VPS53: variants seen among roughly 807,000 people sequenced by gnomAD.
The protein encoded by VPS53 is vacuolar protein sorting-associated protein 53 homolog.
A neutral mutation model predicts 107.0 loss-of-function variants in VPS53; 70 were observed. The observed-to-expected ratio is 0.65, with a 90% CI of 0.54 to 0.80. The LOEUF is 0.80. Among genes scored for constraint, VPS53 ranks in the 30% least tolerant of loss-of-function variants. The pLI is 0.00. For missense variants in VPS53, 917 were observed against 1,049.4 expected, an observed-to-expected ratio of 0.87 and a Z score of 1.74; for synonymous variants, 409 against 393.3, an observed-to-expected ratio of 1.04 and a Z score of -0.47.
intron 10 of VPS53, among the ~76,000 whole-genome samples, chr17:624,576 T>C (rs1217188752): frequency 1.3e-5 from 2 of 152,222 alleles, no homozygotes; most frequent in Non-Finnish European, 2.9e-5. Flanking sequence ...TTGAGAATGA[T>C]GTATCTGTAG....
intron 4 of VPS53, among the ~76,000 whole-genome samples, chr17:693,682 A>G (rs1211829810): frequency 6.6e-6 from 1 of 152,166 alleles, no homozygotes; most frequent in African/African-American, 2.4e-5. Flanking sequence ...TACCGTGAAA[A>G]ATGATTGCAC....
intron 4 of VPS53, among the ~76,000 whole-genome samples, chr17:662,502 A>G (rs1971477685): frequency 6.6e-6 from 1 of 152,040 alleles, no homozygotes; most frequent in African/African-American, 2.4e-5. Context: ...ATCCTGGCTA[A>G]CACGGTGAAA....
chr17:580,231 T>A (rs1239693814), intron 13 of VPS53, among the ~76,000 whole-genome samples: 1 of 148,130 alleles, frequency 6.8e-6, no homozygotes, highest in Non-Finnish European at 1.5e-5. Flanking sequence ...CCTCAGAAAC[T>A]AATGCGTTCC....
intron 13 of VPS53, among the ~76,000 whole-genome samples, chr17:570,579 G>C (rs1913946255): frequency 6.6e-6 from 1 of 152,096 alleles, no homozygotes; most frequent in South Asian, 2.1e-4. Flanking sequence ...GGTCATGAAA[G>C]ACAAAGAAAG....
chr17:671,862 T>C (rs11868757), intron 4 of VPS53, among the ~76,000 whole-genome samples: 7,658 of 152,170 alleles, frequency 0.05, 635 homozygotes, highest in African/African-American at 0.17. Flanking sequence ...CTAATTTTTG[T>C]ATTTTTAGTA....
intron 12 of VPS53, among the ~76,000 whole-genome samples, chr17:589,735 A>G (rs1286950312): frequency 1.3e-5 from 2 of 152,174 alleles, no homozygotes; most frequent in African/African-American, 4.8e-5. Flanking sequence ...ATTGATCTAT[A>G]TCTCTTGTTT....
intron 17 of VPS53, among the ~76,000 whole-genome samples, chr17:541,587 C>T (rs924318101): frequency 2.6e-4 from 38 of 148,540 alleles, no homozygotes; most frequent in South Asian, 1.7e-3. Flanking sequence ...CTACCACGCA[C>T]CAGGTGCTGA....
chr17:522,054 G>A (rs568660954), intron 19 of VPS53, among the ~76,000 whole-genome samples: 1 of 152,202 alleles, frequency 6.6e-6, no homozygotes, highest in African/African-American at 2.4e-5. Flanking sequence ...AGGAATTTGA[G>A]ACCAGCCTGG....
chr17:657,558 G>T (rs1203469885), intron 5 of VPS53: 10 of 1,065,094 alleles, frequency 9.4e-6, no homozygotes, highest in Non-Finnish European at 1.5e-5. Context: ...GGCTGCATTA[G>T]GCAAGGAAAA....
chr17:598,512 T>C (rs1218236114), intron 12 of VPS53, among the ~76,000 whole-genome samples: 12 of 149,952 alleles, frequency 8.0e-5, no homozygotes, highest in Admixed American at 3.3e-4. Flanking sequence ...ACCTAGGAAG[T>C]GAGGAGCACC....
chr17:583,287 AGT>A (rs1387940345), intron 13 of VPS53, among the ~76,000 whole-genome samples: 4 of 150,698 alleles, frequency 2.7e-5, no homozygotes, highest in Non-Finnish European at 5.9e-5. Flanking sequence ...TCAGAACCTC[AGT>A]GTGTTCCCAG....
intron 15 of VPS53, among the ~76,000 whole-genome samples, chr17:555,555 G>A (rs879603605): frequency 9.2e-5 from 14 of 151,810 alleles, no homozygotes; most frequent in Admixed American, 6.6e-4. Flanking sequence ...GGCTGGTCTC[G>A]AACTCCTGAC....
chr17:598,262 G>C (rs1852532682), intron 12 of VPS53, among the ~76,000 whole-genome samples: 1 of 152,204 alleles, frequency 6.6e-6, no homozygotes, highest in South Asian at 2.1e-4. Context: ...TTCACTCAGT[G>C]CTCAATGGTG....
intron 2 of VPS53, 138 bp downstream of exon 2, chr17:710,395 T>G: frequency 1.5e-6 from 1 of 654,524 alleles, no homozygotes; most frequent in Non-Finnish European, 2.8e-6. Context: ...CCCCAGCTGG[T>G]GATGATGGAG....
chr17:584,940 G>C (rs947854702), intron 13 of VPS53, among the ~76,000 whole-genome samples: 4 of 152,156 alleles, frequency 2.6e-5, no homozygotes, highest in African/African-American at 9.7e-5. Context: ...CCATATAGTA[G>C]AACTCCAATT....
At position 627,237 on chromosome 17, in the gene VPS53, C is replaced by T. The variant is rs1969751029; in HGVS notation, c.911G>A (p.Arg304His). 6.8e-6 allele frequency: 11 copies of T among 1,613,948 alleles called. No homozygotes were observed. Among genetic ancestry groups the T allele is most frequent in the South Asian group, 6.6e-5 (6 of 91,050 alleles). Residue 304 changes from arginine to histidine, a missense_variant, in exon 10 of 22, where the codon CGC becomes CAC. Coordinates refer to ENST00000437048, the MANE Select transcript of VPS53 (RefSeq NM_001128159.3). Reference protein sequence around the residue: ...QLVDYEEKYGRMFPREWCMAE... With the variant: ...QLVDYEEKYGHMFPREWCMAE... ...CATGCACCACTCACGTGGAAACATG[C>T]GGCCGTATTTCTCCTCATAGTCCAC... is the stretch of plus-strand genomic sequence containing the variant.
At chr17:652,489 C>T (rs1360073985) in intron 7 of VPS53, among the ~76,000 whole-genome samples, 2 of 152,078 alleles carry the variant, frequency 1.3e-5, no homozygotes, top group Non-Finnish European at 2.9e-5. Flanking sequence ...TCTCTTGGGA[C>T]GCTCATTCTT....
intron 7 of VPS53, among the ~76,000 whole-genome samples, chr17:638,133 C>T (rs1361548460): frequency 3.3e-5 from 5 of 152,200 alleles, no homozygotes; most frequent in Non-Finnish European, 7.3e-5. Flanking sequence ...GGATAGTTAG[C>T]TCTTCTTGTT....
intron 11 of VPS53, among the ~76,000 whole-genome samples, chr17:605,288 G>T (rs1968513246): frequency 6.6e-6 from 1 of 152,218 alleles, no homozygotes; most frequent in Non-Finnish European, 1.5e-5. Context: ...AGCTGGGGAT[G>T]AGGGTGGGAA....
Sources: gnomAD v4.1 joint callset for allele counts (sites outside exome capture counted in the v4.1 genomes callset) on GRCh38, gnomAD v4.1.1 for gene constraint, MANE v1.5 for transcripts, NCBI Gene and HGNC (gene_info 2026-07-23, HGNC 2026-07-21) for gene names.